Variants in THSD7B observed in about 807,000 individuals in gnomAD.
The protein encoded by THSD7B is thrombospondin type 1 domain containing 7B.
THSD7B carries 138 observed loss-of-function variants against 213.6 expected under a neutral mutation model. The observed-to-expected ratio is 0.65, with a 90% CI of 0.56 to 0.74. The LOEUF is 0.74. THSD7B is among the 30% of genes least tolerant of loss of function. The pLI, the probability that THSD7B is intolerant of heterozygous loss-of-function variation, is 0.00. For synonymous variants in THSD7B, 742 were observed against 687.0 expected (o/e 1.08, Z -1.25); for missense variants, 1,931 against 1,991.5 (o/e 0.97, Z 0.58).
chr2:137,652,889 A>G (rs1573767586), intron 21 of THSD7B, among the ~76,000 whole-genome samples: 1 of 152,134 alleles, frequency 6.6e-6, no homozygotes, highest in Admixed American at 6.5e-5. Context: ...CTCAATTGAC[A>G]TATTTTTATA....
At chr2:137,077,442 A>G (rs1292522099) in intron 3 of THSD7B, among the ~76,000 whole-genome samples, 1 of 152,146 alleles carries the variant, frequency 6.6e-6, no homozygotes, top group African/African-American at 2.4e-5. Context: ...ATTCTCACCA[A>G]CAGTGTAAGA....
chr2:137,249,554 G>A (rs1400283200), intron 10 of THSD7B, among the ~76,000 whole-genome samples: 1 of 152,158 alleles, frequency 6.6e-6, no homozygotes, highest in Non-Finnish European at 1.5e-5. Context: ...AGAGATTGAT[G>A]TATATTTAGA....
intron 3 of THSD7B, among the ~76,000 whole-genome samples, chr2:137,068,911 T>C (rs546266217): frequency 3.3e-5 from 5 of 152,216 alleles, no homozygotes; most frequent in African/African-American, 9.6e-5. Flanking sequence ...AAAGTCACTT[T>C]ATCAATCTAG....
intron 14 of THSD7B, among the ~76,000 whole-genome samples, chr2:137,425,131 A>G (rs1261467287): frequency 6.6e-6 from 1 of 151,000 alleles, no homozygotes; most frequent in East Asian, 1.9e-4. Flanking sequence ...AAATAGTCAA[A>G]TAGAAACCAT....
chr2:137,532,301 A>C (rs1342373167), intron 15 of THSD7B, among the ~76,000 whole-genome samples: 2 of 151,954 alleles, frequency 1.3e-5, no homozygotes, highest in African/African-American at 4.8e-5. Context: ...TAAAGCTATT[A>C]CTGACTTGAT....
chr2:137,470,265 C>A (rs997376046), intron 15 of THSD7B, among the ~76,000 whole-genome samples: 4 of 152,140 alleles, frequency 2.6e-5, no homozygotes, highest in Admixed American at 6.6e-5. Context: ...CAATTTTCAC[C>A]AAGGTTTAAT....
chr2:136,825,636 C>G (rs902337067), intron 1 of THSD7B, among the ~76,000 whole-genome samples: 1 of 151,908 alleles, frequency 6.6e-6, no homozygotes, highest in Admixed American at 6.6e-5. Flanking sequence ...CTCACTGCAA[C>G]CACCTCCTGG....
chr2:136,905,204 G>A (rs1407658079), intron 2 of THSD7B, among the ~76,000 whole-genome samples: 1 of 152,156 alleles, frequency 6.6e-6, no homozygotes, highest in East Asian at 1.9e-4. Flanking sequence ...ACTTCGTTTA[G>A]TAGTGAAATC....
chr2:136,901,073 C>T (rs1199866177), intron 2 of THSD7B, among the ~76,000 whole-genome samples: 1 of 114,394 alleles, frequency 8.7e-6, no homozygotes, highest in Non-Finnish European at 2.3e-5. Context: ...CTTCTTATTC[C>T]TTGGATTTTT....
At chr2:137,079,049 G>T (rs1183583916) in intron 3 of THSD7B, among the ~76,000 whole-genome samples, 1 of 151,870 alleles carries the variant, frequency 6.6e-6, no homozygotes, top group Admixed American at 6.6e-5. Context: ...TGTTCAACTG[G>T]GTGCAGTGGG....
intron 14 of THSD7B, among the ~76,000 whole-genome samples, chr2:137,449,913 A>G (rs1047193129): frequency 6.6e-6 from 1 of 152,056 alleles, no homozygotes; most frequent in Admixed American, 6.6e-5. Flanking sequence ...ACATTCTGTC[A>G]CATTCACAGT....
At chr2:136,951,972 C>T (rs1228576399) in intron 2 of THSD7B, among the ~76,000 whole-genome samples, 5 of 152,178 alleles carry the variant, frequency 3.3e-5, no homozygotes, top group East Asian at 3.9e-4. Context: ...TGGGTTCAAG[C>T]GATTCTTCTG....
intron 15 of THSD7B, among the ~76,000 whole-genome samples, chr2:137,560,818 A>G (rs1181956785): frequency 2.0e-5 from 3 of 151,992 alleles, no homozygotes; most frequent in Non-Finnish European, 2.9e-5. Flanking sequence ...GTCCCTAACA[A>G]CACCACTGCC....
intron 12 of THSD7B, among the ~76,000 whole-genome samples, chr2:137,289,861 A>G (rs1340306537): frequency 1.3e-5 from 2 of 152,180 alleles, no homozygotes; most frequent in Middle Eastern, 3.4e-3. Flanking sequence ...TACTTGAGTA[A>G]GCATGATTTT....
chr2:137,112,705 T>G (rs1434912105), intron 4 of THSD7B, among the ~76,000 whole-genome samples: 1 of 152,172 alleles, frequency 6.6e-6, no homozygotes, highest in South Asian at 2.1e-4. Flanking sequence ...CCATGGCAAC[T>G]GTGGATCTCT....
intron 5 of THSD7B, among the ~76,000 whole-genome samples, chr2:137,132,782 C>G (rs190731888): frequency 2.0e-5 from 3 of 152,298 alleles, no homozygotes; most frequent in East Asian, 1.9e-4. Context: ...TAATTCATTG[C>G]TACACAAAGC....
chr2:137,617,916 T>G (rs1054931312), intron 18 of THSD7B, among the ~76,000 whole-genome samples: 1 of 152,142 alleles, frequency 6.6e-6, no homozygotes, highest in African/African-American at 2.4e-5. Flanking sequence ...TCCCATATTC[T>G]AATTACCCCC....
intron 20 of THSD7B, among the ~76,000 whole-genome samples, chr2:137,639,200 G>A (rs1036243503): frequency 1.3e-5 from 2 of 152,214 alleles, no homozygotes; most frequent in South Asian, 4.2e-4. Context: ...TCGGGACTTG[G>A]TGCCCTGTGT....
chr2:137,556,301 G>T (rs1194726135), intron 15 of THSD7B, among the ~76,000 whole-genome samples: 1 of 152,114 alleles, frequency 6.6e-6, no homozygotes, highest in East Asian at 1.9e-4. Flanking sequence ...AGAAAGGTCG[G>T]GTTACCCACA....
Sources: gnomAD v4.1 joint callset for allele counts (sites outside exome capture counted in the v4.1 genomes callset) on GRCh38, gnomAD v4.1.1 for gene constraint, MANE v1.5 for transcripts, NCBI Gene and HGNC (gene_info 2026-07-23, HGNC 2026-07-21) for gene names.